The following GRIN1 variants were observed in gnomAD, a reference collection of about 807,000 sequenced individuals.
GRIN1 encodes glutamate ionotropic receptor NMDA type subunit 1.
In GRIN1, 38 loss-of-function variants were observed where a neutral mutation model predicts 103.0. The observed-to-expected ratio is 0.37, with a 90% CI of 0.28 to 0.48. The LOEUF (loss-of-function observed/expected upper bound fraction) is 0.48, where lower values mean the gene tolerates loss of function less well. Ranked by LOEUF, GRIN1 falls within the 20% of genes least tolerant of loss-of-function variation. The probability of loss-of-function intolerance (pLI) is 0.98; values close to 1 mark genes in which losing one functional copy is unlikely to be tolerated. For synonymous variants in GRIN1, 544 were observed against 532.7 expected (o/e 1.02, Z -0.29); for missense variants, 577 against 1,288.9 (o/e 0.45, Z 8.46).
At chr9:137,161,637 C>G (rs1833550420) in intron 10 of GRIN1, among the ~76,000 whole-genome samples, 1 of 30,318 alleles carries the variant, frequency 3.3e-5, no homozygotes, top group Admixed American at 4.6e-4. Context: ...AGGGGCCTGA[C>G]GTGGGGGTCG....
At chr9:137,165,077 CG>C (rs1416999175) in intron 18 of GRIN1, 108 bp from the exon 19 acceptor site, 63 of 824,334 alleles carry the variant, frequency 7.6e-5, no homozygotes, top group Non-Finnish European at 1.3e-4. Flanking sequence ...CAGGCAGGAG[CG>C]AGGGCCCAAG....
Position 137,161,938 on chromosome 9 carries a change from C to A in GRIN1, c.1482C>A (p.Asn494Lys). ...FGTQERVNNS[N>K]KKEWNGMMGE... ...TCGCCTCGCAGGTGAACAACAGCAACAAGAAGGAGTGGAATGGGATGATGG... is the reference window on the plus strand; with the variant it reads ...TCGCCTCGCAGGTGAACAACAGCAAAAAGAAGGAGTGGAATGGGATGATGG... Residue 494 changes from asparagine to lysine, a missense_variant, in exon 11 of 20, where the codon AAC becomes AAA. By Grantham distance (94) the Asn-to-Lys change is moderately conservative (BLOSUM62 0). This residue lies in a region of GRIN1 where 96 missense variants were observed against 145.0 expected (regional missense o/e 0.66). Coordinates refer to ENST00000371561, the MANE Select transcript of GRIN1 (RefSeq NM_007327.4). 1 of 1,563,494 alleles carries A rather than the reference C, an allele frequency of 6.4e-7. No homozygotes were observed. Among genetic ancestry groups the A allele is most frequent in the East Asian group, 2.4e-5 (1 of 41,888 alleles).
At chr9:137,165,681 A>T (rs1340939370) in intron 19 of GRIN1, among the ~76,000 whole-genome samples, 3 of 152,102 alleles carry the variant, frequency 2.0e-5, no homozygotes, top group Non-Finnish European at 4.4e-5. Flanking sequence ...CCGGGAGGCC[A>T]CACCACTTCT....
chr9:137,147,559 G>T (rs1832620242), intron 3 of GRIN1, among the ~76,000 whole-genome samples: 1 of 152,170 alleles, frequency 6.6e-6, no homozygotes, highest in Non-Finnish European at 1.5e-5. Context: ...ACCTTCACAG[G>T]CCTTTGTGGA....
intron 2 of GRIN1, among the ~76,000 whole-genome samples, chr9:137,144,561 A>G (rs546804399): frequency 1.3e-5 from 2 of 151,998 alleles, no homozygotes; most frequent in East Asian, 3.9e-4. Context: ...AGGCTGAGGC[A>G]GGAGAATGGT....
chr9:137,156,652 C>T lies in GRIN1; in HGVS notation c.672-17C>T. On this transcript the variant is annotated splice_polypyrimidine_tract_variant and intron_variant, in intron 4 of 19. Transcript: ENST00000371561. ...GAGTGCTGGAGTCCTGGCCCGTCATCCCCGTCTGCCCCACAGCGAGGACGA... is the reference window on the plus strand; with the variant it reads ...GAGTGCTGGAGTCCTGGCCCGTCATTCCCGTCTGCCCCACAGCGAGGACGA... The T allele has an allele frequency of 6.3e-7, 1 of 1,598,756 alleles. No homozygotes were observed. The highest frequency in any genetic ancestry group is 8.5e-7 in the Non-Finnish European group (1 of 1,174,398).
intron 2 of GRIN1, among the ~76,000 whole-genome samples, chr9:137,144,514 G>C (rs1832368710): frequency 1.3e-5 from 2 of 152,122 alleles, no homozygotes; most frequent in Admixed American, 1.3e-4. Context: ...AATTAGCCGG[G>C]CGTGGTGGCG....
chr9:137,154,745 C>A (rs1424699698), intron 4 of GRIN1, among the ~76,000 whole-genome samples: 1 of 152,196 alleles, frequency 6.6e-6, no homozygotes, highest in Non-Finnish European at 1.5e-5. Flanking sequence ...AGTTACTGCG[C>A]CTGGCCTCAA....
intron 8 of GRIN1, among the ~76,000 whole-genome samples, chr9:137,159,458 C>T (rs1054597244): frequency 1.3e-5 from 2 of 152,198 alleles, no homozygotes; most frequent in Non-Finnish European, 2.9e-5. Flanking sequence ...ACCCAGGCTC[C>T]CTCCCCTGCT....
At chr9:137,165,165 A>G (rs1833802038) in intron 18 of GRIN1, 21 bp from the exon 19 acceptor site, 3 of 1,517,362 alleles carry the variant, frequency 2.0e-6, no homozygotes, top group African/African-American at 2.7e-5. Context: ...CCATCTAATC[A>G]CTTATACATA....
Position 137,153,266 on chromosome 9 carries a change from A to G in GRIN1, c.672-3403A>G, listed in dbSNP as rs374796654. On this transcript the variant is annotated intron_variant, in intron 4 of 19. Coordinates refer to ENST00000371561, the MANE Select transcript of GRIN1 (RefSeq NM_007327.4). ...GTGTACACACATGCACCATGCATAC[A>G]CCATACACATGTGCACAAATGTATG... Among the ~76,000 whole-genome samples the G allele has an allele frequency of 6.6e-5, 10 of 150,886 alleles. 1 individual carries two copies. In the East Asian group the frequency reaches 1.6e-3, roughly 24 times the overall value.
intron 4 of GRIN1, among the ~76,000 whole-genome samples, chr9:137,153,518 C>T (rs1833031649): frequency 6.6e-6 from 1 of 152,146 alleles, no homozygotes; most frequent in Admixed American, 6.5e-5. Flanking sequence ...CATGTGCACA[C>T]ATGCCATATA....
chr9:137,150,581 C>T (rs1022933319), intron 4 of GRIN1, among the ~76,000 whole-genome samples: 16 of 147,812 alleles, frequency 1.1e-4, no homozygotes, highest in Non-Finnish European at 2.2e-4. Flanking sequence ...CCAGGGAAAG[C>T]CCCACCCAGG....
At chr9:137,166,891 C>T (rs1157524543) in intron 19 of GRIN1, among the ~76,000 whole-genome samples, 1 of 152,184 alleles carries the variant, frequency 6.6e-6, no homozygotes, top group African/African-American at 2.4e-5. Context: ...ACAGGAGAAA[C>T]AGCGATTTGG....
intron 4 of GRIN1, among the ~76,000 whole-genome samples, chr9:137,153,183 A>G (rs1266899307): frequency 6.6e-6 from 1 of 151,992 alleles, no homozygotes; most frequent in Non-Finnish European, 1.5e-5. Flanking sequence ...CCACACATGC[A>G]CCATCATGTA....
Position 137,167,152 on chromosome 9 carries a change from C to A in GRIN1, c.2701-259C>A, listed in dbSNP as rs1025253071. 2.0e-5 allele frequency among the ~76,000 whole-genome samples: 3 copies of A among 152,178 alleles called. No homozygotes were observed. In the East Asian group the frequency reaches 5.8e-4, roughly 30 times the overall value. ...GCTGGCCCCGCCCTGCAAGGCTGAA[C>A]TGTGGGGGGCACTGCCAGCTGGGGG... On this transcript the variant is annotated intron_variant, in intron 19 of 19. Transcript: ENST00000371561.
Position 137,163,920 on chromosome 9 carries a change from C to T in GRIN1, c.2589+16C>T. ...GAACCTGCAGGTAGGGCAGGCCACCCTCCGAGGCCTGGTGCCCAGGGCCCG... is the reference window on the plus strand; with the variant it reads ...GAACCTGCAGGTAGGGCAGGCCACCTTCCGAGGCCTGGTGCCCAGGGCCCG... On this transcript the variant is annotated intron_variant, in intron 18 of 19. Coordinates refer to ENST00000371561, the MANE Select transcript of GRIN1 (RefSeq NM_007327.4). 1 of 1,611,756 alleles carries T rather than the reference C, an allele frequency of 6.2e-7. No homozygotes were observed. Among genetic ancestry groups the T allele is most frequent in the South Asian group, 1.1e-5 (1 of 91,038 alleles).
chr9:137,165,060 A>G lies in GRIN1; in HGVS notation c.2590-126A>G, dbSNP rs1297843816. The G allele has an allele frequency of 7.7e-6, 6 of 783,236 alleles. No homozygotes were observed. The Admixed American group carries it at 1.0e-4, about 13-fold the overall frequency. 48.5% of individuals were successfully genotyped at this position (783,236 alleles called of 1,614,324 possible). ...CGCTGTCGGCCCGTCTGTCCAGCAC[A>G]GGGAGGCAGGCAGGAGCGAGGGCCC... is the stretch of plus-strand genomic sequence containing the variant. On this transcript the variant is annotated intron_variant, in intron 18 of 19. Transcript: ENST00000371561.
intron 10 of GRIN1, 89 bp downstream of exon 10, chr9:137,161,505 C>A: frequency 1.6e-6 from 2 of 1,230,910 alleles, no homozygotes; most frequent in Non-Finnish European, 2.3e-6. Context: ...GCGGGGCTTG[C>A]AGATGGTGGG....
Sources: gnomAD v4.1 joint callset for allele counts (sites outside exome capture counted in the v4.1 genomes callset) on GRCh38, gnomAD v4.1.1 for gene constraint, gnomAD v4.1.1 regional missense constraint, MANE v1.5 for transcripts, NCBI Gene and HGNC (gene_info 2026-07-23, HGNC 2026-07-21) for gene names.